The following PRDM6 variants were observed in gnomAD, a reference collection of about 807,000 sequenced individuals.
The protein encoded by PRDM6 is putative histone-lysine N-methyltransferase PRDM6.
A neutral mutation model predicts 60.8 loss-of-function variants in PRDM6; 25 were observed. The observed-to-expected ratio is 0.41, with a 90% CI of 0.30 to 0.57. The LOEUF is 0.57. PRDM6 is among the 20% of genes least tolerant of loss of function. PRDM6 has a pLI of 0.27. For synonymous variants in PRDM6, 407 were observed against 357.4 expected (o/e 1.14, Z -1.57); for missense variants, 839 against 821.3 (o/e 1.02, Z -0.26).
chr5:123,098,745 T>A (rs1391993779), intron 2 of PRDM6, among the ~76,000 whole-genome samples: 1 of 152,208 alleles, frequency 6.6e-6, no homozygotes, highest in Non-Finnish European at 1.5e-5. Context: ...ACAATTAGGC[T>A]GATCGTTAAA....
rs1766380998 is a variant in PRDM6 at position 123,190,225 on chromosome 5, G to C, written c.*3024G>C. 1 of 152,062 alleles carries C rather than the reference G, an allele frequency of 6.6e-6. No individual in the cohort carries two copies. Among genetic ancestry groups the C allele is most frequent in the South Asian group, 2.1e-4 (1 of 4,824 alleles). 9.4% of individuals were successfully genotyped at this position (152,062 alleles called of 1,614,324 possible). On this transcript the variant is annotated 3_prime_UTR_variant, in exon 8 of 8. Transcript: ENST00000407847. Reference sequence around the variant, plus strand: ...TTTCAGAATAAGACTTTTCATCCTAGCGTATGTTCCTTTATTTAGCAGAGT... The same window carrying C: ...TTTCAGAATAAGACTTTTCATCCTACCGTATGTTCCTTTATTTAGCAGAGT...
intron 6 of PRDM6, chr5:123,173,379 C>T (rs1433087354): frequency 6.0e-6 from 1 of 166,942 alleles, no homozygotes; most frequent in Non-Finnish European, 1.5e-5. Flanking sequence ...TTTAGAGTTA[C>T]TGGCAAAAAT....
rs746236728 is a variant in PRDM6, at chr5:123,127,819, G to A, written c.900+27858G>A. On this transcript the variant is annotated intron_variant, in intron 3 of 7. Transcript: ENST00000407847. Reference sequence around the variant, plus strand: ...GTTCTAGGGTACATGTGCATAACGTGCAGGTTTCATACATAGGTATACATG... The same window carrying A: ...GTTCTAGGGTACATGTGCATAACGTACAGGTTTCATACATAGGTATACATG... 6.2e-4 allele frequency among the ~76,000 whole-genome samples: 93 copies of A among 149,490 alleles called. 1 individual carries two copies. The highest frequency in any genetic ancestry group is 1.2e-3 in the Admixed American group (18 of 14,912).
In PRDM6 at chr5:123,099,722, C is replaced by T. The variant is rs1410323155; in HGVS notation, c.661C>T (p.Arg221Trp). 2 of 1,533,732 alleles carry T rather than the reference C, an allele frequency of 1.3e-6. No homozygotes were observed. Among genetic ancestry groups the T allele is most frequent in the Non-Finnish European group, 1.8e-6 (2 of 1,140,572 alleles). Reference sequence around the variant, plus strand: ...GCATGGGCCACTGCACTCGCTGCGCCGGCTTGTGGGCACCAGCAGCGCTGC... The same window carrying T: ...GCATGGGCCACTGCACTCGCTGCGCTGGCTTGTGGGCACCAGCAGCGCTGC... Reference protein sequence around the residue: ...PMHGPLHSLRRLVGTSSAAAA... With the variant: ...PMHGPLHSLRWLVGTSSAAAA... Residue 221 changes from arginine to tryptophan, a missense_variant, in exon 3 of 8, where the codon CGG (arginine) becomes TGG (tryptophan). Transcript: ENST00000407847. This position sits in a 1 kb window ranked among gnomAD's most constrained non-coding sequence, Gnocchi z 4.0.
Position 123,099,322 on chromosome 5 carries a change from G to A in PRDM6, c.593-332G>A, listed in dbSNP as rs894119423. ...ACAGAGACAGAGGGAGAGATGCAGA[G>A]AGACTGAAACGGGAGGAAGAAGCCT... On this transcript the variant is annotated intron_variant, in intron 2 of 7. Transcript: ENST00000407847. The surrounding 1 kb of genome is among the most constrained non-coding windows in gnomAD (Gnocchi z 4.0). Among the ~76,000 whole-genome samples the A allele has an allele frequency of 2.6e-5, 4 of 152,202 alleles. No homozygotes were observed. Among genetic ancestry groups the A allele is most frequent in the Admixed American group, 2.0e-4 (3 of 15,284 alleles).
At chr5:123,102,085 AT>A (rs957191847) in intron 3 of PRDM6, among the ~76,000 whole-genome samples, 2 of 151,864 alleles carry the variant, frequency 1.3e-5, no homozygotes, top group Non-Finnish European at 2.9e-5. Flanking sequence ...GACATAATCT[AT>A]TTTTTTTAAT....
At chr5:123,162,512 AC>A (rs1765657963) in intron 5 of PRDM6, among the ~76,000 whole-genome samples, 1 of 152,216 alleles carries the variant, frequency 6.6e-6, no homozygotes, top group Admixed American at 6.5e-5. Context: ...ATCATTTAGC[AC>A]CTGAAGTCCT....
At chr5:123,160,140 T>TA (rs1765594203) in intron 5 of PRDM6, among the ~76,000 whole-genome samples, 1 of 152,228 alleles carries the variant, frequency 6.6e-6, no homozygotes, top group South Asian at 2.1e-4. Context: ...AAATAATATT[T>TA]AAAATGGTAG....
intron 5 of PRDM6, among the ~76,000 whole-genome samples, chr5:123,161,022 G>GCC (rs1401210329): frequency 6.6e-6 from 1 of 152,196 alleles, no homozygotes; most frequent in Non-Finnish European, 1.5e-5. Flanking sequence ...GTCAGCATCA[G>GCC]CCAGCCTCCC....
intron 5 of PRDM6, 64 bp from the exon 6 acceptor site, chr5:123,170,702 G>A (rs1017995937): frequency 9.1e-7 from 1 of 1,102,606 alleles, no homozygotes; most frequent in Non-Finnish European, 1.3e-6. Flanking sequence ...TTAAAAGTAT[G>A]TGTTATTGTG....
intron 7 of PRDM6, among the ~76,000 whole-genome samples, 165 bp from the exon 8 acceptor site, chr5:123,186,922 A>G (rs548236554): frequency 1.3e-5 from 2 of 152,364 alleles, no homozygotes; most frequent in South Asian, 4.1e-4. Flanking sequence ...GCTTTGTCCC[A>G]TCACAGGCAT....
chr5:123,138,608 A>C (rs1296235567), intron 3 of PRDM6, among the ~76,000 whole-genome samples: 1 of 152,188 alleles, frequency 6.6e-6, no homozygotes, highest in Non-Finnish European at 1.5e-5. Flanking sequence ...GTTTTTTGTC[A>C]AACAAAATTA....
At chr5:123,160,144 A>G (rs948423682) in intron 5 of PRDM6, among the ~76,000 whole-genome samples, 2 of 152,244 alleles carry the variant, frequency 1.3e-5, no homozygotes, top group Non-Finnish European at 2.9e-5. Context: ...AATATTTAAA[A>G]TGGTAGATAT....
intron 3 of PRDM6, among the ~76,000 whole-genome samples, chr5:123,138,932 C>G (rs1184144947): frequency 6.6e-6 from 1 of 152,178 alleles, no homozygotes; most frequent in African/African-American, 2.4e-5. Context: ...GTAATCCTCA[C>G]GTGTCGAGGG....
chr5:123,165,663 T>C (rs1765735953), intron 5 of PRDM6, among the ~76,000 whole-genome samples: 1 of 152,212 alleles, frequency 6.6e-6, no homozygotes, highest in South Asian at 2.1e-4. Flanking sequence ...ATGCCATCAG[T>C]AATGTTGGCA....
At chr5:123,172,352 A>G (rs1315174556) in intron 6 of PRDM6, among the ~76,000 whole-genome samples, 1 of 152,194 alleles carries the variant, frequency 6.6e-6, no homozygotes, top group Non-Finnish European at 1.5e-5. Flanking sequence ...TGCTGTAGCT[A>G]ATTAATGTTG....
At chr5:123,136,327 T>C (rs1764949312) in intron 3 of PRDM6, among the ~76,000 whole-genome samples, 1 of 152,204 alleles carries the variant, frequency 6.6e-6, no homozygotes, top group South Asian at 2.1e-4. Flanking sequence ...TCTGTCCTGG[T>C]CGTTTTAATG....
intron 3 of PRDM6, among the ~76,000 whole-genome samples, chr5:123,136,479 AGAAT>A (rs2126856493): frequency 6.6e-6 from 1 of 152,350 alleles, no homozygotes; most frequent in Non-Finnish European, 1.5e-5. Flanking sequence ...TTTTGTAGAA[AGAAT>A]GAAAATATAA....
chr5:123,162,752 T>G (rs1765663801), intron 5 of PRDM6, among the ~76,000 whole-genome samples: 3 of 152,330 alleles, frequency 2.0e-5, no homozygotes, highest in Middle Eastern at 3.4e-3. Context: ...TGTCATGTGA[T>G]TGGCCACCCA....
Sources: gnomAD v4.1 joint callset for allele counts (sites outside exome capture counted in the v4.1 genomes callset) on GRCh38, gnomAD v4.1.1 for gene constraint, Gnocchi (gnomAD v3.1) non-coding constraint, MANE v1.5 for transcripts, NCBI Gene and HGNC (gene_info 2026-07-23, HGNC 2026-07-21) for gene names.